The following DIP2A variants were observed in gnomAD, a reference collection of about 807,000 sequenced individuals.
The protein encoded by DIP2A is DIP2 acetate--CoA ligase A.
A neutral mutation model predicts 177.4 loss-of-function variants in DIP2A; 85 were observed. That is an observed-to-expected ratio of 0.48 (90% CI 0.40 to 0.57). DIP2A has a LOEUF of 0.57. DIP2A is among the 20% of genes least tolerant of loss of function. DIP2A has a pLI of 0.00. For synonymous variants in DIP2A, 886 were observed against 881.8 expected (o/e 1.00, Z -0.08); for missense variants, 1,791 against 2,100.2 (o/e 0.85, Z 2.88).
intron 6 of DIP2A, among the ~76,000 whole-genome samples, chr21:46,508,524 A>G (rs549326931): frequency 2.3e-4 from 35 of 149,620 alleles, no homozygotes; most frequent in Admixed American, 8.0e-4. Flanking sequence ...ACACCCGGCT[A>G]ATTTTTTGTA....
chr21:46,546,821 C>T lies in DIP2A; in HGVS notation c.2395-94C>T. 11 of 1,444,566 alleles carry T rather than the reference C, an allele frequency of 7.6e-6. No homozygotes were observed. The South Asian group carries it at 1.4e-4, about 18-fold the overall frequency. The allele number at this position is 1,444,566 out of a possible 1,614,324, so 89.5% of individuals were successfully genotyped here. On this transcript the variant is annotated intron_variant, in intron 20 of 37. Coordinates refer to ENST00000417564, the MANE Select transcript of DIP2A (RefSeq NM_015151.4). ...TTGCAAGGCGCTAGAGGCTCCTGTG[C>T]TGTTGGCCCCTTCTTGGGGGGCCTG...
intron 13 of DIP2A, among the ~76,000 whole-genome samples, chr21:46,534,919 A>G (rs1225483473): frequency 6.6e-6 from 1 of 151,890 alleles, no homozygotes; most frequent in Admixed American, 6.6e-5. Context: ...AGTCCAGACA[A>G]CCCCATCAGG....
intron 25 of DIP2A, among the ~76,000 whole-genome samples, chr21:46,552,648 T>C (rs2060314665): frequency 6.6e-6 from 1 of 152,178 alleles, no homozygotes; most frequent in Non-Finnish European, 1.5e-5. Context: ...ATTAAAAAAA[T>C]ACTTAATGAT....
At position 46,558,361 on chromosome 21, in the gene DIP2A, G is replaced by T; in HGVS notation, c.3937G>T (p.Gly1313Trp). 6.2e-7 allele frequency: 1 copy of T among 1,602,132 alleles called. No homozygotes were observed. Among genetic ancestry groups the T allele is most frequent in the Non-Finnish European group, 8.5e-7 (1 of 1,175,550 alleles). The change falls in exon 32 of 38, where the codon GGG becomes TGG. Residue 1313 changes from glycine to tryptophan, a missense_variant. Physicochemically the swap from Gly to Trp is radical, Grantham distance 184. Coordinates refer to ENST00000417564, the MANE Select transcript of DIP2A (RefSeq NM_015151.4). ...LPARAVSTTFGCRVNVAICLQ... is the reference protein window; with the variant it reads ...LPARAVSTTFWCRVNVAICLQ... ...GGCCCGCGCCGTAAGCACCACGTTCGGGTGCAGGGTCAACGTGGCCATCTG... is the reference window on the plus strand; with the variant it reads ...GGCCCGCGCCGTAAGCACCACGTTCTGGTGCAGGGTCAACGTGGCCATCTG...
chr21:46,545,545 G>T (rs1046446004), intron 19 of DIP2A, among the ~76,000 whole-genome samples: 3 of 152,212 alleles, frequency 2.0e-5, no homozygotes, highest in African/African-American at 7.2e-5. Context: ...TGTGGGTGCG[G>T]CCTGGTGGCC....
chr21:46,533,504 G>A lies in DIP2A; in HGVS notation c.1306-20G>A, dbSNP rs369302899. 80 of 1,609,550 alleles carry A rather than the reference G, an allele frequency of 5.0e-5. No individual in the cohort carries two copies. Among genetic ancestry groups the A allele is most frequent in the Admixed American group, 1.5e-4 (9 of 59,354 alleles). On this transcript the variant is annotated intron_variant, in intron 10 of 37. Transcript: ENST00000417564. ...CTGCTGTGAGCACCCCACCCCACAC[G>A]GTCACTCTGCTTTCTGCAGGATGCA...
chr21:46,581,598 A>C, the DIP2A span, among the ~76,000 whole-genome samples: 1 of 151,820 alleles, frequency 6.6e-6, no homozygotes, highest in Non-Finnish European at 1.5e-5. Context: ...TCTACCTTTG[A>C]TCTTTGAGGC....
intron 3 of DIP2A, among the ~76,000 whole-genome samples, chr21:46,496,150 C>T (rs1000100569): frequency 1.3e-5 from 2 of 152,026 alleles, no homozygotes; most frequent in African/African-American, 4.8e-5. Flanking sequence ...ATCCTCCTGC[C>T]TCAGCCTCCT....
rs749038686 is a variant in DIP2A, at chr21:46,560,740, C to A, written c.3988C>A (p.Pro1330Thr). 6.2e-7 allele frequency: 1 copy of A among 1,609,420 alleles called. No homozygotes were observed. Among genetic ancestry groups the A allele is most frequent in the Non-Finnish European group, 8.5e-7 (1 of 1,178,054 alleles). The change falls in exon 33 of 38, where the codon CCC (proline) becomes ACC (threonine). Residue 1330 changes from proline (P) to threonine (T), a missense_variant. By Grantham distance (38) the Pro-to-Thr change is conservative (BLOSUM62 -1). Transcript: ENST00000417564. The stretch of plus-strand genomic sequence containing the variant: ...CTTCCAGGGCACAGCTGGCCCGGAC[C>A]CCACAACCGTCTACGTGGACATGCG... ...ICLQGTAGPD[P>T]TTVYVDMRAL...
intron 2 of DIP2A, among the ~76,000 whole-genome samples, chr21:46,487,743 A>G (rs2056776360): frequency 6.6e-6 from 1 of 152,236 alleles, no homozygotes; most frequent in Non-Finnish European, 1.5e-5. Flanking sequence ...ATGCTTATTA[A>G]TGCATTTGGT....
rs192313797 is a variant in DIP2A at position 46,505,459 on chromosome 21, A to C, written c.784+970A>C. 5.3e-4 allele frequency among the ~76,000 whole-genome samples: 81 copies of C among 152,226 alleles called. 1 individual carries two copies. The highest frequency in any genetic ancestry group is 5.3e-3 in the Admixed American group (81 of 15,302). On this transcript the variant is annotated intron_variant, in intron 6 of 37. Coordinates refer to ENST00000417564, the MANE Select transcript of DIP2A (RefSeq NM_015151.4). ...CCATCTCTACTAAAAATACAAAAAA[A>C]TTAGCCGAGTGTGGTGGCGGGCGTC... is the stretch of plus-strand genomic sequence containing the variant.
intron 3 of DIP2A, among the ~76,000 whole-genome samples, chr21:46,495,498 C>T (rs1298244411): frequency 6.6e-6 from 1 of 151,948 alleles, no homozygotes; most frequent in Non-Finnish European, 1.5e-5. Context: ...GAACTCCCGA[C>T]CTCAGGGGAT....
Position 46,551,729 on chromosome 21 carries a change from G to C in DIP2A, c.2935G>C (p.Asp979His), listed in dbSNP as rs748473643. 3.7e-6 allele frequency: 6 copies of C among 1,613,824 alleles called. No individual in the cohort carries two copies. The African/African-American group carries it at 5.3e-5, about 14-fold the overall frequency. The change falls in exon 24 of 38, where the codon GAC becomes CAC. Residue 979 changes from aspartate to histidine, a missense_variant. Asp to His is a moderately conservative substitution (Grantham distance 81). Coordinates refer to ENST00000417564, the MANE Select transcript of DIP2A (RefSeq NM_015151.4). ...GRELAHLEDS[D>H]QARKFLFLAD... ...AGAGCTCGCCCACCTGGAGGACAGC[G>C]ACCAGGCACGGAAGGTGACAGGCCA...
intron 32 of DIP2A, among the ~76,000 whole-genome samples, chr21:46,559,930 T>A (rs1384623215): frequency 4.6e-5 from 7 of 152,250 alleles, no homozygotes; most frequent in Non-Finnish European, 1.0e-4. Context: ...CATGTGACTT[T>A]CTCGTGAATT....
chr21:46,495,258 C>T (rs1482803820), intron 3 of DIP2A, among the ~76,000 whole-genome samples: 28 of 140,388 alleles, frequency 2.0e-4, no homozygotes, highest in African/African-American at 6.1e-4. Flanking sequence ...CTCTCTCTCT[C>T]TCTCTCTCTC....
intron 6 of DIP2A, among the ~76,000 whole-genome samples, chr21:46,507,187 A>G (rs1461517702): frequency 6.6e-6 from 1 of 152,180 alleles, no homozygotes; most frequent in Non-Finnish European, 1.5e-5. Flanking sequence ...TGCTTTAACA[A>G]TGCCTTTCAA....
At chr21:46,546,771 T>G in intron 20 of DIP2A, 144 bp from the exon 21 acceptor site, 1 of 834,148 alleles carries the variant, frequency 1.2e-6, no homozygotes, top group Non-Finnish European at 1.8e-6. Context: ...GCGTTGCAGA[T>G]TGGGTCTGTG....
At chr21:46,475,227 A>G (rs1384494883) in intron 1 of DIP2A, among the ~76,000 whole-genome samples, 2 of 152,246 alleles carry the variant, frequency 1.3e-5, no homozygotes, top group African/African-American at 4.8e-5. Context: ...AGTAAGAATT[A>G]TTTCACCATG....
intron 7 of DIP2A, among the ~76,000 whole-genome samples, chr21:46,510,970 A>G (rs1330332592): frequency 1.3e-5 from 2 of 152,138 alleles, no homozygotes; most frequent in East Asian, 1.9e-4. Flanking sequence ...TTCTTTGAAC[A>G]TAGTGATAGT....
Sources: gnomAD v4.1 joint callset for allele counts (sites outside exome capture counted in the v4.1 genomes callset) on GRCh38, gnomAD v4.1.1 for gene constraint, MANE v1.5 for transcripts, NCBI Gene and HGNC (gene_info 2026-07-23, HGNC 2026-07-21) for gene names.